ASTN1: variants seen among roughly 807,000 people sequenced by gnomAD.
The protein encoded by ASTN1 is astrotactin-1.
Under a neutral mutation model 140.7 loss-of-function variants are expected in ASTN1, and 41 were observed. The ratio of observed to expected loss-of-function variants is 0.29; its 90% CI spans 0.23 to 0.38. The LOEUF is 0.38. Ranked by LOEUF, ASTN1 falls within the 10% of genes least tolerant of loss-of-function variation. The pLI is 1.00. For missense variants in ASTN1, 1,479 were observed against 1,678.8 expected (o/e 0.88, Z 2.08); for synonymous variants, 640 against 652.2 (o/e 0.98, Z 0.29).
intron 14 of ASTN1, among the ~76,000 whole-genome samples, chr1:176,936,610 G>A (rs1394455204): frequency 6.6e-6 from 1 of 152,196 alleles, no homozygotes; most frequent in Admixed American, 6.5e-5. Flanking sequence ...TGATCCTCAT[G>A]GGACAGTTGT....
chr1:177,105,096 G>C (rs7524889), intron 1 of ASTN1, among the ~76,000 whole-genome samples: 13,386 of 152,098 alleles, frequency 0.088, 789 homozygotes, highest in African/African-American at 0.17. Context: ...ACAGTGAGTC[G>C]CTTAGGAATT....
At chr1:177,010,502 G>A (rs901258866) in intron 8 of ASTN1, among the ~76,000 whole-genome samples, 1 of 152,182 alleles carries the variant, frequency 6.6e-6, no homozygotes, top group South Asian at 2.1e-4. Context: ...TTAGAAATCT[G>A]TCATCTGTGA....
At chr1:176,882,755 T>C in intron 20 of ASTN1, 104 bp downstream of exon 20, 2 of 1,459,286 alleles carry the variant, frequency 1.4e-6, no homozygotes, top group South Asian at 1.2e-5. Context: ...AGACTCAACA[T>C]GTTTTGCTGA....
rs1672937697 is a variant in ASTN1 at position 176,967,530 on chromosome 1, T to C, written c.1524-2293A>G. ...CATTTTAAATAACATACATTTTGCC[T>C]TCCAGCCATTTCTAGCACTCAAAAC... is the stretch of plus-strand genomic sequence containing the variant. On this transcript the variant is annotated intron_variant, in intron 8 of 22. Coordinates refer to ENST00000361833, the MANE Select transcript of ASTN1 (RefSeq NM_004319.3). 3.9e-5 allele frequency among the ~76,000 whole-genome samples: 6 copies of C among 152,232 alleles called. No individual in the cohort carries two copies. The South Asian group carries it at 1.2e-3, about 31-fold the overall frequency.
At chr1:176,891,802 A>G (rs1431551382) in intron 17 of ASTN1, among the ~76,000 whole-genome samples, 2 of 152,206 alleles carry the variant, frequency 1.3e-5, no homozygotes, top group Admixed American at 1.3e-4. Flanking sequence ...TCAAAAAAGA[A>G]ACCCAGAAAA....
chr1:177,121,231 T>C (rs1246333245), intron 1 of ASTN1, among the ~76,000 whole-genome samples: 1 of 152,124 alleles, frequency 6.6e-6, no homozygotes, highest in African/African-American at 2.4e-5. Context: ...GAGTGCTTTA[T>C]AAGATGAACA....
At chr1:176,912,085 T>C (rs1670265857) in intron 16 of ASTN1, among the ~76,000 whole-genome samples, 1 of 152,118 alleles carries the variant, frequency 6.6e-6, no homozygotes, top group Admixed American at 6.5e-5. Context: ...AAATATCAAA[T>C]AAGGACCAGA....
intron 1 of ASTN1, among the ~76,000 whole-genome samples, chr1:177,107,133 C>T (rs1680585607): frequency 6.6e-6 from 1 of 152,132 alleles, no homozygotes; most frequent in African/African-American, 2.4e-5. Context: ...ATGGGCGTCA[C>T]ATGGGAGCAT....
At chr1:177,098,131 A>C (rs1327140647) in intron 1 of ASTN1, among the ~76,000 whole-genome samples, 1 of 152,146 alleles carries the variant, frequency 6.6e-6, no homozygotes, top group Non-Finnish European at 1.5e-5. Flanking sequence ...ATTTACAGGC[A>C]TTTGGTCAGA....
At chr1:176,982,842 G>A (rs1349441551) in intron 8 of ASTN1, among the ~76,000 whole-genome samples, 1 of 152,218 alleles carries the variant, frequency 6.6e-6, no homozygotes, top group East Asian at 1.9e-4. Flanking sequence ...GACCTAGCGT[G>A]AGCCTTCAGG....
In ASTN1 at chr1:176,965,234, T is replaced by C. The variant is rs192406167; in HGVS notation, c.1527A>G (p.Pro509=). ...IRNEWGTNQG[P]WPYTIFQRGF... ...CTCGCTGAAATATTGTGTAAGGCCA[T>C]GGCCTAAAAGAAGAAACATCATTCA... is the stretch of plus-strand genomic sequence containing the variant. The change falls in exon 9 of 23, where the codon CCA becomes CCG. Residue 509 remains proline, a synonymous_variant. Coordinates refer to ENST00000361833, the MANE Select transcript of ASTN1 (RefSeq NM_004319.3). 8.9e-5 allele frequency: 144 copies of C among 1,613,764 alleles called. No homozygotes were observed. In the Admixed American group the frequency reaches 1.4e-3, roughly 16 times the overall value.
At chr1:177,045,488 C>T (rs1677172673) in intron 2 of ASTN1, among the ~76,000 whole-genome samples, 1 of 152,146 alleles carries the variant, frequency 6.6e-6, no homozygotes, top group South Asian at 2.1e-4. Flanking sequence ...TCTGCTGGCT[C>T]CTAGATAGCT....
At chr1:176,951,804 T>G (rs558422241) in intron 11 of ASTN1, among the ~76,000 whole-genome samples, 1 of 152,242 alleles carries the variant, frequency 6.6e-6, no homozygotes, top group Non-Finnish European at 1.5e-5. Context: ...GTTTTTTATT[T>G]TTTTACTTAT....
At chr1:177,062,542 G>T (rs1678151755) in intron 1 of ASTN1, among the ~76,000 whole-genome samples, 1 of 146,036 alleles carries the variant, frequency 6.8e-6, no homozygotes, top group African/African-American at 2.5e-5. Flanking sequence ...ATATGGCCTG[G>T]CCTTTTTTTT....
chr1:177,142,038 G>T (rs577665854), intron 1 of ASTN1, among the ~76,000 whole-genome samples: 7 of 152,314 alleles, frequency 4.6e-5, no homozygotes, highest in Admixed American at 4.6e-4. Context: ...CATCCAGGGG[G>T]TGGTATCAGT....
intron 1 of ASTN1, among the ~76,000 whole-genome samples, chr1:177,131,768 G>A (rs1681952537): frequency 6.6e-6 from 1 of 152,200 alleles, no homozygotes; most frequent in African/African-American, 2.4e-5. Flanking sequence ...TGGATGGAAA[G>A]TTCAGGACCG....
At chr1:177,031,627 T>C (rs552314711) in intron 3 of ASTN1, among the ~76,000 whole-genome samples, 33 of 152,366 alleles carry the variant, frequency 2.2e-4, no homozygotes, top group African/African-American at 6.5e-4. Flanking sequence ...AAAACCTCTA[T>C]GTGATTCCAC....
chr1:176,859,295 C>G (rs1220072981), downstream of ASTN1, among the ~76,000 whole-genome samples: 9 of 152,198 alleles, frequency 5.9e-5, no homozygotes, highest in Non-Finnish European at 1.2e-4. Context: ...CAGTGCCCCA[C>G]CCTTCTTCTT....
intron 4 of ASTN1, 51 bp from the exon 5 acceptor site, chr1:177,029,792 G>T: frequency 1.3e-6 from 2 of 1,521,430 alleles, no homozygotes; most frequent in African/African-American, 1.4e-5. Context: ...CTGGTTTCAT[G>T]ACACCAAACC....
Sources: gnomAD v4.1 joint callset for allele counts (sites outside exome capture counted in the v4.1 genomes callset) on GRCh38, gnomAD v4.1.1 for gene constraint, MANE v1.5 for transcripts, NCBI Gene and HGNC (gene_info 2026-07-23, HGNC 2026-07-21) for gene names.